The following RORA variants were observed in gnomAD, a reference collection of about 807,000 sequenced individuals.
RORA encodes RAR related orphan receptor A.
A neutral mutation model predicts 69.5 loss-of-function variants in RORA; 7 were observed. The ratio of observed to expected loss-of-function variants is 0.10; its 90% CI spans 0.06 to 0.19. The LOEUF is 0.19. RORA is among the 10% of genes least tolerant of loss of function. The pLI is 1.00. For synonymous variants in RORA, 261 were observed against 240.8 expected (o/e 1.08, Z -0.78); for missense variants, 457 against 663.0 (o/e 0.69, Z 3.41).
intron 6 of RORA, 93 bp from the exon 7 acceptor site, chr15:60,503,760 C>T: frequency 6.7e-7 from 1 of 1,494,158 alleles, no homozygotes. Context: ...CATGCCACTG[C>T]TTTAGCCCTG....
At chr15:60,668,276 CA>C (rs1431414753) in intron 2 of RORA, among the ~76,000 whole-genome samples, 2 of 152,136 alleles carry the variant, frequency 1.3e-5, no homozygotes, top group Non-Finnish European at 2.9e-5. Context: ...GGACTTGTGT[CA>C]GTTAGATTTT....
chr15:60,563,510 G>C (rs2067636095), intron 2 of RORA, among the ~76,000 whole-genome samples: 1 of 152,176 alleles, frequency 6.6e-6, no homozygotes, highest in African/African-American at 2.4e-5. Flanking sequence ...TAGTCATCAA[G>C]AACACTTACT....
chr15:60,741,316 C>A (rs1197923061), intron 1 of RORA, among the ~76,000 whole-genome samples: 1 of 152,154 alleles, frequency 6.6e-6, no homozygotes, highest in African/African-American at 2.4e-5. Flanking sequence ...GGGCTGCGTG[C>A]GCTCCCAGGC....
intron 2 of RORA, chr15:60,592,438 C>T (rs1384401451): frequency 3.5e-6 from 5 of 1,420,414 alleles, no homozygotes; most frequent in African/African-American, 3.0e-5. Flanking sequence ...GTGCGGAGAG[C>T]GCAGGGAGAG....
chr15:60,677,176 C>T (rs768030424), intron 2 of RORA: 1 of 455,912 alleles, frequency 2.2e-6, no homozygotes, highest in African/African-American at 2.0e-5. Flanking sequence ...TCCCTCCGGG[C>T]CAGGGACGAG....
In RORA at chr15:60,946,501, C is replaced by A. The variant is rs112946217; in HGVS notation, c.167-267815G>T. On this transcript the variant is annotated intron_variant, in intron 1 of 10. Coordinates refer to ENST00000335670, the MANE Select transcript of RORA (RefSeq NM_134261.3). ...GCCGGGCTGGTCTCCAGCTCCTAACCGGGAGTGATCTGCCAGCTTCGGCCT... is the reference window on the plus strand; with the variant it reads ...GCCGGGCTGGTCTCCAGCTCCTAACAGGGAGTGATCTGCCAGCTTCGGCCT... Among the ~76,000 whole-genome samples the A allele has an allele frequency of 5.2e-3, 785 of 152,308 alleles. 6 individuals are homozygous for A. The highest frequency in any genetic ancestry group is 0.018 in the African/African-American group (762 of 41,566).
Position 60,905,834 on chromosome 15 carries a change from GA to G in RORA, c.167-227149del. Reference sequence around the variant, plus strand: ...CTAGGATATCCCTTTCCTTGCTACTGAAAGAAATGGTGCTGAATTCACCTTG... The same window carrying G: ...CTAGGATATCCCTTTCCTTGCTACTGAAGAAATGGTGCTGAATTCACCTTG... On this transcript the variant is annotated intron_variant, in intron 1 of 10. Coordinates refer to ENST00000335670, the MANE Select transcript of RORA (RefSeq NM_134261.3). This position sits in a 1 kb window ranked among gnomAD's most constrained non-coding sequence, Gnocchi z 4.8. Among the ~76,000 whole-genome samples the G allele has an allele frequency of 6.6e-6, 1 of 152,280 alleles. No individual in the cohort carries two copies. The highest frequency in any genetic ancestry group is 2.1e-4 in the South Asian group (1 of 4,820).
At chr15:60,658,845 T>C (rs2070261415) in intron 2 of RORA, among the ~76,000 whole-genome samples, 1 of 152,162 alleles carries the variant, frequency 6.6e-6, no homozygotes, top group Non-Finnish European at 1.5e-5. Flanking sequence ...AATTTCACCT[T>C]AAAGTAGAAA....
chr15:60,926,414 G>A (rs35715615), intron 1 of RORA, among the ~76,000 whole-genome samples: 44,567 of 152,112 alleles, frequency 0.29, 6,937 homozygotes, highest in East Asian at 0.63. Flanking sequence ...CTTGGAGACC[G>A]AGTCACTGGG....
intron 1 of RORA, among the ~76,000 whole-genome samples, chr15:61,015,551 G>T (rs75144879): frequency 6.6e-6 from 1 of 152,040 alleles, no homozygotes; most frequent in Non-Finnish European, 1.5e-5. Context: ...AATTATACTA[G>T]TTCATATTTA....
chr15:60,800,645 C>T (rs1251604677), intron 1 of RORA, among the ~76,000 whole-genome samples: 1 of 152,140 alleles, frequency 6.6e-6, no homozygotes, highest in African/African-American at 2.4e-5. Flanking sequence ...AGAGACTTTC[C>T]CTGAGCCCGA....
chr15:61,183,971 G>A (rs185034479), intron 1 of RORA, among the ~76,000 whole-genome samples: 230 of 152,158 alleles, frequency 1.5e-3, no homozygotes, highest in African/African-American at 5.1e-3. Context: ...ACACACCTCT[G>A]CCCTAACCCA....
chr15:60,993,017 C>T (rs1292428394), intron 1 of RORA, among the ~76,000 whole-genome samples: 1 of 152,168 alleles, frequency 6.6e-6, no homozygotes, highest in African/African-American at 2.4e-5. Context: ...AAAGCATGAG[C>T]TTCTGATCAA....
chr15:60,902,494 A>C (rs1293343701), intron 1 of RORA, among the ~76,000 whole-genome samples: 1 of 152,196 alleles, frequency 6.6e-6, no homozygotes, highest in African/African-American at 2.4e-5. Context: ...TTGCAGGTTC[A>C]CTGTTCTGCA....
At chr15:61,172,060 G>T (rs2079590028) in intron 1 of RORA, among the ~76,000 whole-genome samples, 1 of 152,126 alleles carries the variant, frequency 6.6e-6, no homozygotes, top group South Asian at 2.1e-4. Flanking sequence ...GGGACCAGTT[G>T]CAGTGAGAAG....
At chr15:61,049,717 T>C (rs948910740) in intron 1 of RORA, among the ~76,000 whole-genome samples, 2 of 152,164 alleles carry the variant, frequency 1.3e-5, no homozygotes, top group African/African-American at 4.8e-5. Context: ...TGGAGTGCAA[T>C]GGCATGATCT....
intron 2 of RORA, among the ~76,000 whole-genome samples, chr15:60,570,748 C>T (rs1027171309): frequency 1.2e-4 from 19 of 152,256 alleles, no homozygotes; most frequent in African/African-American, 4.6e-4. Context: ...GTCATAGATT[C>T]AATTAGAGGG....
At chr15:60,885,869 A>G (rs1194882781) in intron 1 of RORA, among the ~76,000 whole-genome samples, 2 of 152,248 alleles carry the variant, frequency 1.3e-5, no homozygotes, top group African/African-American at 2.4e-5. Flanking sequence ...TATATGAGAA[A>G]GCAAATGTGA....
intron 3 of RORA, among the ~76,000 whole-genome samples, chr15:60,518,405 G>C (rs1217831624): frequency 6.6e-6 from 1 of 152,240 alleles, no homozygotes; most frequent in Non-Finnish European, 1.5e-5. Flanking sequence ...CTGAGTACTT[G>C]TAGTAACCAT....
Sources: gnomAD v4.1 joint callset for allele counts (sites outside exome capture counted in the v4.1 genomes callset) on GRCh38, gnomAD v4.1.1 for gene constraint, Gnocchi (gnomAD v3.1) non-coding constraint, MANE v1.5 for transcripts, NCBI Gene and HGNC (gene_info 2026-07-23, HGNC 2026-07-21) for gene names.